HDAC8: variants seen among roughly 807,000 people sequenced by gnomAD.
The protein encoded by HDAC8 is histone deacetylase 8, also known as histone deacetylase-like 1.
A neutral mutation model predicts 32.2 loss-of-function variants in HDAC8; 1 was observed. That is an observed-to-expected ratio of 0.03 (90% confidence interval 0.01 to 0.15). The LOEUF (loss-of-function observed/expected upper bound fraction) is 0.15. Ranked by LOEUF, HDAC8 falls within the 10% of genes least tolerant of loss-of-function variation. The pLI, the probability that HDAC8 is intolerant of heterozygous loss-of-function variation, is 1.00. For synonymous variants in HDAC8, 108 were observed against 113.9 expected (o/e 0.95, Z 0.33); for missense variants, 117 against 300.0 (o/e 0.39, Z 4.51).
At chrX:72,502,430 A>G (rs1157189721) in intron 4 of HDAC8, among the ~76,000 whole-genome samples, 1 of 111,483 alleles carries the variant, frequency 9.0e-6, no homozygotes, top group African/African-American at 3.3e-5. Context: ...CATGAACACA[A>G]AAAAGGAAAC....
intron 9 of HDAC8, among the ~76,000 whole-genome samples, chrX:72,372,737 A>C (rs781963097): frequency 9.0e-6 from 1 of 111,520 alleles, no homozygotes; most frequent in East Asian, 2.8e-4. Context: ...CTAGCTGTAT[A>C]ATTTGGGGCA....
At chrX:72,344,286 C>A (rs1044298977) in intron 10 of HDAC8, among the ~76,000 whole-genome samples, 1 of 111,542 alleles carries the variant, frequency 9.0e-6, no homozygotes, top group Admixed American at 9.5e-5. Flanking sequence ...AAATAAAAAT[C>A]ATCTATAATT....
chrX:72,472,060 TTTATTTTATTTA>T (rs1183243186), intron 7 of HDAC8, among the ~76,000 whole-genome samples: 15 of 110,129 alleles, frequency 1.4e-4, no homozygotes, highest in African/African-American at 4.9e-4. Context: ...TATTTTTTAT[TTTATTTTATTTA>T]TTTTTTTTTT....
chrX:72,538,754 T>A (rs2050611209), intron 4 of HDAC8, among the ~76,000 whole-genome samples: 1 of 111,828 alleles, frequency 8.9e-6, no homozygotes, highest in Non-Finnish European at 1.9e-5. Flanking sequence ...TAGCAAGGAC[T>A]AGCTTCAGGA....
chrX:72,563,043 G>A lies in HDAC8; in HGVS notation c.437+4846C>T, dbSNP rs782011971. Among the ~76,000 whole-genome samples the A allele has an allele frequency of 1.9e-4, 21 of 108,684 alleles. No individual in the cohort carries two copies. In the South Asian group the frequency reaches 7.0e-3, roughly 36 times the overall value. The allele number at this position is 108,684 out of a possible 115,157, so 94.4% of individuals were successfully genotyped here. ...ATTACAGGTGCCCGCCACCATACCC[G>A]GCTAATTTTTGTATTTTTAGTAGAG... On this transcript the variant is annotated intron_variant, in intron 4 of 10. Coordinates refer to ENST00000373573, the MANE Select transcript of HDAC8 (RefSeq NM_018486.3).
chrX:72,485,456 AT>A (rs1387327685), intron 7 of HDAC8, among the ~76,000 whole-genome samples: 3 of 111,710 alleles, frequency 2.7e-5, no homozygotes, highest in Non-Finnish European at 5.6e-5. Flanking sequence ...TGAAGGGGGT[AT>A]GTTCAAGCTT....
chrX:72,365,319 A>T (rs2044667508), intron 9 of HDAC8, among the ~76,000 whole-genome samples: 1 of 112,095 alleles, frequency 8.9e-6, no homozygotes. Flanking sequence ...GGCAGGATTC[A>T]GTGTGGTAGG....
rs782050986 is a variant in HDAC8, at chrX:72,572,154, T to C, written c.112-45A>G. ...AAAAAAAAAAGAAAAGCAGAAATAG[T>C]CTCTTTAAAGTTTAATTCAGCAAAA... is the stretch of plus-strand genomic sequence containing the variant. On this transcript the variant is annotated intron_variant, in intron 1 of 10. Transcript: ENST00000373573. 1.4e-5 allele frequency: 15 copies of C among 1,104,957 alleles called. No individual in the cohort carries two copies. The South Asian group carries it at 2.9e-4, about 22-fold the overall frequency. The allele number at this position is 1,104,957 out of a possible 1,213,427, so 91.1% of individuals were successfully genotyped here. A position where few individuals can be genotyped will look rare whatever the true frequency, so the allele number is the denominator to read the frequency against.
chrX:72,357,378 A>T (rs1470416547), intron 9 of HDAC8, among the ~76,000 whole-genome samples: 1 of 109,780 alleles, frequency 9.1e-6, no homozygotes, highest in African/African-American at 3.3e-5. Flanking sequence ...AAAATCAAGG[A>T]ATTGGACAAG....
chrX:72,364,019 T>C (rs2044629550), intron 9 of HDAC8, among the ~76,000 whole-genome samples: 1 of 111,634 alleles, frequency 9.0e-6, no homozygotes, highest in Non-Finnish European at 1.9e-5. Flanking sequence ...CCATGATCAA[T>C]TTGTAATGTA....
chrX:72,431,616 T>C (rs887260794), intron 9 of HDAC8, among the ~76,000 whole-genome samples: 1 of 111,273 alleles, frequency 9.0e-6, no homozygotes, highest in Non-Finnish European at 1.9e-5. Context: ...CTTTACCGTC[T>C]ATTCACCAAT....
At chrX:72,354,895 G>A (rs1184670842) in intron 9 of HDAC8, among the ~76,000 whole-genome samples, 1 of 111,985 alleles carries the variant, frequency 8.9e-6, no homozygotes, top group Admixed American at 9.5e-5. Context: ...ATAGGGCCCA[G>A]CACATACTAG....
intron 10 of HDAC8, among the ~76,000 whole-genome samples, chrX:72,337,639 G>A (rs1555943043): frequency 9.0e-6 from 1 of 111,017 alleles, no homozygotes; most frequent in Non-Finnish European, 1.9e-5. Context: ...CTCAAGACTG[G>A]TCTCCTTGCT....
chrX:72,554,487 T>G (rs868988636), intron 4 of HDAC8, among the ~76,000 whole-genome samples: 13 of 4,208 alleles, frequency 3.1e-3, no homozygotes, highest in East Asian at 0.023. Context: ...TTGGAGCGGG[T>G]AGGGCGGGGG....
chrX:72,515,753 G>A (rs1041976775), intron 4 of HDAC8, among the ~76,000 whole-genome samples: 6 of 111,752 alleles, frequency 5.4e-5, no homozygotes, highest in African/African-American at 1.3e-4. Flanking sequence ...TCCAGTGAAA[G>A]CTTCTCTGAG....
At chrX:72,469,437 C>T (rs1438849443) in intron 7 of HDAC8, among the ~76,000 whole-genome samples, 6 of 112,610 alleles carry the variant, frequency 5.3e-5, no homozygotes, top group Non-Finnish European at 9.4e-5. Context: ...GGATTACAGG[C>T]GTGAGCCATC....
chrX:72,467,753 A>C (rs1171752604), intron 7 of HDAC8: 5 of 388,922 alleles, frequency 1.3e-5, no homozygotes, highest in Non-Finnish European at 2.2e-5. Context: ...CTGAAGGTTG[A>C]TGAGGGCTTT....
chrX:72,475,264 AAT>A (rs1480272751), intron 7 of HDAC8, among the ~76,000 whole-genome samples: 1 of 112,024 alleles, frequency 8.9e-6, no homozygotes, highest in Non-Finnish European at 1.9e-5. Context: ...AGAAGAGAAA[AAT>A]ATTTGCTACT....
At chrX:72,335,384 T>A (rs1555942149) in intron 10 of HDAC8, among the ~76,000 whole-genome samples, 1 of 112,148 alleles carries the variant, frequency 8.9e-6, no homozygotes, top group Non-Finnish European at 1.9e-5. Flanking sequence ...GCAACCATCA[T>A]CTTTTTACAG....
Sources: allele counts gnomAD v4.1 joint callset (sites outside exome capture counted in the v4.1 genomes callset), GRCh38; gene constraint gnomAD v4.1.1; transcripts MANE v1.5; gene names NCBI Gene and HGNC (gene_info 2026-07-23, HGNC 2026-07-21).